Variants in RHOT1 observed in about 807,000 individuals in gnomAD.
RHOT1 encodes the protein ras homolog family member T1.
Under a neutral mutation model 95.3 loss-of-function variants are expected in RHOT1, and 27 were observed. The ratio of observed to expected loss-of-function variants is 0.28; its 90% CI spans 0.21 to 0.39. The LOEUF (loss-of-function observed/expected upper bound fraction) is 0.39. Among genes scored for constraint, RHOT1 ranks in the 10% least tolerant of loss-of-function variants. The pLI, the probability that RHOT1 is intolerant of heterozygous loss-of-function variation, is 1.00. For synonymous variants in RHOT1, 227 were observed against 263.5 expected, an observed-to-expected ratio of 0.86 and a Z score of 1.34; for missense variants, 578 against 786.7, an observed-to-expected ratio of 0.73 and a Z score of 3.17.
intron 17 of RHOT1, 158 bp downstream of exon 17, chr17:32,207,187 C>A: frequency 1.5e-6 from 1 of 684,336 alleles, no homozygotes; most frequent in Non-Finnish European, 2.3e-6. Context: ...TGGTTTTGTT[C>A]TAAAGTGGTA....
At position 32,151,019 on chromosome 17, in the gene RHOT1, G is replaced by A. The variant is rs1598283917; in HGVS notation, c.37+8290G>A. ...TCGCCGGTTCCTAAACCAAACCTGG[G>A]AGTGGGGGAAGAGGGGAGATTGTGG... On this transcript the variant is annotated intron_variant, in intron 1 of 19. Coordinates refer to ENST00000545287, the MANE Select transcript of RHOT1 (RefSeq NM_001033566.3). 2.2e-5 allele frequency: 32 copies of A among 1,483,376 alleles called. No individual in the cohort carries two copies. The East Asian group carries it at 5.0e-4, about 23-fold the overall frequency. The allele number at this position is 1,483,376 out of a possible 1,614,324, so 91.9% of individuals were successfully genotyped here.
chr17:32,209,962 A>G (rs1319248751), intron 18 of RHOT1, among the ~76,000 whole-genome samples: 2 of 152,168 alleles, frequency 1.3e-5, no homozygotes, highest in African/African-American at 4.8e-5. Context: ...AAAAAAATGA[A>G]AAAGGAATGT....
chr17:32,175,385 G>C (rs1215823181), intron 4 of RHOT1, 23 bp downstream of exon 4: 6 of 1,596,720 alleles, frequency 3.8e-6, no homozygotes, highest in Non-Finnish European at 5.2e-6. Flanking sequence ...AAACAGAGGT[G>C]TGGGGTTTTG....
intron 11 of RHOT1, among the ~76,000 whole-genome samples, chr17:32,196,920 G>A (rs569563153): frequency 2.0e-5 from 3 of 152,058 alleles, no homozygotes; most frequent in South Asian, 2.1e-4. Flanking sequence ...TCAGGAGTTC[G>A]AGACCAGCCT....
At chr17:32,183,318 C>G (rs1192339935) in intron 8 of RHOT1, 46 bp downstream of exon 8, 2 of 1,089,090 alleles carry the variant, frequency 1.8e-6, no homozygotes, top group Non-Finnish European at 2.5e-6. Flanking sequence ...TGTAGTAACT[C>G]TAGTATGGTA....
chr17:32,200,914 C>A, intron 13 of RHOT1, 42 bp from the exon 14 acceptor site: 2 of 1,409,680 alleles, frequency 1.4e-6, no homozygotes, highest in South Asian at 1.2e-5. Flanking sequence ...CATAAATATT[C>A]GTTTAGGAAC....
chr17:32,206,247 C>T lies in RHOT1; in HGVS notation c.1417-663C>T, dbSNP rs1193545995. On this transcript the variant is annotated intron_variant, in intron 16 of 19. Transcript: ENST00000545287. ...TGAGACAAGGTTTCACTTTTGTCAC[C>T]CAGGCTGGAATGCAGCGGCGTGATC... Among the ~76,000 whole-genome samples the T allele has an allele frequency of 4.5e-5, 6 of 134,344 alleles. No individual in the cohort carries two copies. The East Asian group carries it at 1.0e-3, about 23-fold the overall frequency. The allele number at this position is 134,344 out of a possible 152,430, so 88.1% of individuals were successfully genotyped here.
At chr17:32,182,904 G>A (rs1281139179) in intron 7 of RHOT1, 39 bp downstream of exon 7, 1 of 1,284,180 alleles carries the variant, frequency 7.8e-7, no homozygotes, top group Non-Finnish European at 1.1e-6. Context: ...TATTTTTAAT[G>A]AATTCTTACT....
At chr17:32,157,123 T>C (rs73284202) in intron 1 of RHOT1, among the ~76,000 whole-genome samples, 1,678 of 152,360 alleles carry the variant, frequency 0.011, 30 homozygotes, top group African/African-American at 0.038. Flanking sequence ...AAGAATAATA[T>C]GACAAATACT....
At chr17:32,196,054 G>T (rs987692624) in intron 11 of RHOT1, among the ~76,000 whole-genome samples, 1 of 151,822 alleles carries the variant, frequency 6.6e-6, no homozygotes, top group African/African-American at 2.4e-5. Context: ...GCTACTACAC[G>T]AATATTTCTA....
chr17:32,176,542 T>TTTTTTTTA (rs1054994579), intron 6 of RHOT1, among the ~76,000 whole-genome samples: 4 of 140,568 alleles, frequency 2.8e-5, no homozygotes, highest in Admixed American at 7.2e-5. Flanking sequence ...AAAGTCTCAG[T>TTTTTTTTA]TTTATTTATT....
intron 18 of RHOT1, 136 bp downstream of exon 18, chr17:32,208,445 A>G (rs2037907661): frequency 1.2e-6 from 1 of 840,366 alleles, no homozygotes; most frequent in Non-Finnish European, 1.9e-6. Context: ...GAAGGTACAA[A>G]TTTGAGTAAA....
intron 1 of RHOT1, among the ~76,000 whole-genome samples, chr17:32,154,923 G>A (rs1033519358): frequency 6.6e-6 from 1 of 151,602 alleles, no homozygotes; most frequent in African/African-American, 2.4e-5. Flanking sequence ...CTGAGTGATG[G>A]AGTGGTAATT....
At position 32,207,040 on chromosome 17, in the gene RHOT1, C is replaced by T. The variant is rs760929229; in HGVS notation, c.1536+11C>T. 11 of 1,602,550 alleles carry T rather than the reference C, an allele frequency of 6.9e-6. No homozygotes were observed. In the Admixed American group the frequency reaches 7.0e-5, roughly 10 times the overall value. On this transcript the variant is annotated intron_variant, in intron 17 of 19. Transcript: ENST00000545287. ...GCCAGGATTTTTAAGGTTTGTTGCT[C>T]CTACAGACTATGACTGAATGTAACT...
chr17:32,203,071 A>G (rs2037437630), intron 15 of RHOT1, among the ~76,000 whole-genome samples, 171 bp downstream of exon 15: 2 of 152,134 alleles, frequency 1.3e-5, no homozygotes, highest in African/African-American at 4.8e-5. Flanking sequence ...TCTTTGTTTC[A>G]TTGATATTAG....
At chr17:32,185,700 G>T (rs1020696522) in intron 8 of RHOT1, among the ~76,000 whole-genome samples, 6 of 149,490 alleles carry the variant, frequency 4.0e-5, no homozygotes, top group Non-Finnish European at 7.4e-5. Flanking sequence ...GAACCGCCAT[G>T]CCCGGCCTCT....
At chr17:32,205,314 C>T (rs1045610351) in intron 16 of RHOT1, among the ~76,000 whole-genome samples, 2 of 152,062 alleles carry the variant, frequency 1.3e-5, no homozygotes, top group African/African-American at 4.8e-5. Flanking sequence ...ATGACGGCTT[C>T]CAGTTTCATC....
intron 6 of RHOT1, chr17:32,179,425 G>A: frequency 6.9e-6 from 1 of 144,794 alleles, no homozygotes; most frequent in South Asian, 2.2e-4. Flanking sequence ...TGGGAAGTGA[G>A]GAGCGCCTCT....
rs369194064 is a variant in RHOT1 at position 32,202,753 on chromosome 17, A to G, written c.1202-17A>G. On this transcript the variant is annotated splice_polypyrimidine_tract_variant and intron_variant, in intron 14 of 19. Transcript: ENST00000545287. Reference sequence around the variant, plus strand: ...TGGTACATATTTAGTGGGGTTTTTTATTATTATTATTTTTAGTGACAAGAG... The same window carrying G: ...TGGTACATATTTAGTGGGGTTTTTTGTTATTATTATTTTTAGTGACAAGAG... The G allele has an allele frequency of 6.5e-7, 1 of 1,534,080 alleles. No homozygotes were observed. The highest frequency in any genetic ancestry group is 2.3e-5 in the East Asian group (1 of 43,698).
Sources: allele counts gnomAD v4.1 joint callset (sites outside exome capture counted in the v4.1 genomes callset), GRCh38; gene constraint gnomAD v4.1.1; transcripts MANE v1.5; gene names NCBI Gene and HGNC (gene_info 2026-07-23, HGNC 2026-07-21).